TMEM232: variants seen among roughly 807,000 people sequenced by gnomAD.
The protein encoded by TMEM232 is transmembrane protein 232.
A neutral mutation model predicts 78.8 loss-of-function variants in TMEM232; 80 were observed. That is an observed-to-expected ratio of 1.01 (90% CI 0.85 to 1.22). The LOEUF (loss-of-function observed/expected upper bound fraction) is 1.22. Ranked by LOEUF, TMEM232 falls within the 50% of genes most tolerant of loss-of-function variation. The probability of loss-of-function intolerance (pLI) is 0.00; values close to 1 mark genes in which losing one functional copy is unlikely to be tolerated. For synonymous variants in TMEM232, 297 were observed against 254.3 expected, an observed-to-expected ratio of 1.17 and a Z score of -1.60; for missense variants, 881 against 742.2, an observed-to-expected ratio of 1.19 and a Z score of -2.17.
chr5:110,459,589 A>G (rs894890694), intron 12 of TMEM232, among the ~76,000 whole-genome samples: 1 of 152,178 alleles, frequency 6.6e-6, no homozygotes, highest in African/African-American at 2.4e-5. Flanking sequence ...TTTTGTAACC[A>G]TAATAGTAAT....
Position 110,568,495 on chromosome 5 carries a change from CTT to C in TMEM232, c.1405_1406del (p.Lys469GlyfsTer3). On this transcript the variant is annotated frameshift_variant, in exon 11 of 14. Coordinates refer to ENST00000455884, the MANE Select transcript of TMEM232 (RefSeq NM_001039763.4). LOFTEE classifies it high-confidence loss of function. The stretch of plus-strand genomic sequence containing the variant: ...GGATTCGTACATCTTCCTCATAATC[CTT>C]TGTTTTCTGCAATGTTTGCCATATC... ...NMIWQTLQKT[K>X]DYEEDVRIQN... 1 of 1,548,648 alleles carries C rather than the reference CTT, an allele frequency of 6.5e-7. No homozygotes were observed. Among genetic ancestry groups the C allele is most frequent in the Non-Finnish European group, 8.7e-7 (1 of 1,145,378 alleles).
At chr5:110,683,128 T>C (rs1792958147) in intron 1 of TMEM232, among the ~76,000 whole-genome samples, 1 of 152,156 alleles carries the variant, frequency 6.6e-6, no homozygotes, top group African/African-American at 2.4e-5. Flanking sequence ...TATGTGTTTT[T>C]TTGTGTAATA....
intron 10 of TMEM232, among the ~76,000 whole-genome samples, chr5:110,596,715 C>T (rs1780213326): frequency 6.6e-6 from 1 of 152,104 alleles, no homozygotes. Flanking sequence ...TCAATATACG[C>T]TAATCAATAA....
chr5:110,466,616 GT>G lies in TMEM232; in HGVS notation c.1704-41701del, dbSNP rs59026770. ...TTTTAAGGTTCATAGGACAAGCATA[GT>G]TTTTTTTTTTTTTGAGATGGAGTCT... On this transcript the variant is annotated intron_variant, in intron 12 of 13. Coordinates refer to ENST00000455884, the MANE Select transcript of TMEM232 (RefSeq NM_001039763.4). 6.6e-3 allele frequency among the ~76,000 whole-genome samples: 950 copies of G among 143,406 alleles called. 8 individuals carry two copies. Among genetic ancestry groups the G allele is most frequent in the Middle Eastern group, 0.011 (3 of 280 alleles). The allele number at this position is 143,406 out of a possible 152,430, so 94.1% of individuals were successfully genotyped here.
chr5:110,508,306 G>T (rs899393344), intron 12 of TMEM232, among the ~76,000 whole-genome samples: 1 of 151,874 alleles, frequency 6.6e-6, no homozygotes, highest in African/African-American at 2.4e-5. Flanking sequence ...AAATGGATAT[G>T]ACAATTTATT....
intron 2 of TMEM232, among the ~76,000 whole-genome samples, chr5:110,644,344 C>T (rs895474734): frequency 3.3e-5 from 5 of 151,820 alleles, no homozygotes. Context: ...AAAAAAGCCC[C>T]TTCATCCATT....
chr5:110,701,987 T>G (rs1203137247), intron 1 of TMEM232, among the ~76,000 whole-genome samples: 1 of 151,970 alleles, frequency 6.6e-6, no homozygotes, highest in African/African-American at 2.4e-5. Context: ...ATTGAGTAAC[T>G]AGAATTCTTG....
At chr5:110,717,417 A>G (rs528196974) in intron 1 of TMEM232, among the ~76,000 whole-genome samples, 5 of 152,206 alleles carry the variant, frequency 3.3e-5, no homozygotes, top group Admixed American at 3.3e-4. Flanking sequence ...AAGTCATTTA[A>G]AAGGCCAACT....
chr5:110,542,378 TC>T (rs1478856499), intron 11 of TMEM232, among the ~76,000 whole-genome samples: 2 of 152,152 alleles, frequency 1.3e-5, no homozygotes, highest in African/African-American at 2.4e-5. Flanking sequence ...CCCATGAAGT[TC>T]CCATTAAATC....
At chr5:110,416,299 T>C (rs973023179), downstream of TMEM232, among the ~76,000 whole-genome samples, 6 of 152,204 alleles carry the variant, frequency 3.9e-5, no homozygotes, top group Admixed American at 3.3e-4. Flanking sequence ...TACAGAGGCA[T>C]TGGCACAACA....
At chr5:110,633,768 T>C (rs1416537542) in intron 5 of TMEM232, among the ~76,000 whole-genome samples, 1 of 152,176 alleles carries the variant, frequency 6.6e-6, no homozygotes, top group African/African-American at 2.4e-5. Context: ...GTCTCAGGTG[T>C]TTCTTTATAG....
intron 12 of TMEM232, among the ~76,000 whole-genome samples, chr5:110,482,183 G>T (rs576450575): frequency 3.9e-5 from 6 of 152,088 alleles, no homozygotes; most frequent in South Asian, 4.1e-4. Flanking sequence ...TTATAATAAA[G>T]CTCCAATTAG....
intron 10 of TMEM232, among the ~76,000 whole-genome samples, chr5:110,588,166 A>T (rs2149758239): frequency 6.6e-6 from 1 of 152,276 alleles, no homozygotes; most frequent in African/African-American, 2.4e-5. Context: ...TTTCTAAGTT[A>T]AAATGAATCA....
intron 1 of TMEM232, among the ~76,000 whole-genome samples, chr5:110,700,786 G>GTAGGTAGA (rs1554081854): frequency 1.8e-4 from 25 of 142,496 alleles, no homozygotes; most frequent in African/African-American, 2.4e-4. Context: ...AGATAGATAG[G>GTAGGTAGA]TAGATAGATA....
chr5:110,467,432 T>TTTTC (rs1237655891), intron 12 of TMEM232, among the ~76,000 whole-genome samples: 5 of 152,216 alleles, frequency 3.3e-5, no homozygotes, highest in Admixed American at 3.3e-4. Context: ...TTCAGCCAGT[T>TTTTC]TTTCTTTGAA....
chr5:110,491,708 A>G (rs897022734), intron 12 of TMEM232, among the ~76,000 whole-genome samples: 1 of 151,990 alleles, frequency 6.6e-6, no homozygotes, highest in Non-Finnish European at 1.5e-5. Context: ...GGAGGTTGTA[A>G]AAGTGAGAGC....
chr5:110,472,319 T>C (rs1762775897), intron 12 of TMEM232, among the ~76,000 whole-genome samples: 2 of 151,880 alleles, frequency 1.3e-5, no homozygotes, highest in East Asian at 1.9e-4. Context: ...ATAAGATACC[T>C]TGGAATAAAT....
At chr5:110,586,952 C>T (rs1428333947) in intron 10 of TMEM232, among the ~76,000 whole-genome samples, 1 of 151,868 alleles carries the variant, frequency 6.6e-6, no homozygotes, top group Non-Finnish European at 1.5e-5. Context: ...TTTCAAAAAC[C>T]AACCAATAAA....
intron 12 of TMEM232, among the ~76,000 whole-genome samples, chr5:110,460,630 C>T (rs962683577): frequency 3.3e-5 from 5 of 151,414 alleles, no homozygotes; most frequent in East Asian, 1.9e-4. Flanking sequence ...TTCATTTTCT[C>T]GTGCTTTGCT....
Sources: allele counts gnomAD v4.1 joint callset (sites outside exome capture counted in the v4.1 genomes callset), GRCh38; gene constraint gnomAD v4.1.1; transcripts MANE v1.5; gene names NCBI Gene and HGNC (gene_info 2026-07-23, HGNC 2026-07-21).